The following EVI5 variants were observed in gnomAD, a reference collection of about 807,000 sequenced individuals.
EVI5 encodes the protein ecotropic viral integration site 5.
In EVI5, 73 loss-of-function variants were observed where a neutral mutation model predicts 112.0. The ratio of observed to expected loss-of-function variants is 0.65; its 90% confidence interval spans 0.54 to 0.79. The LOEUF (loss-of-function observed/expected upper bound fraction) is 0.79. EVI5 is among the 30% of genes least tolerant of loss of function. The pLI is 0.00. For missense variants in EVI5, 900 were observed against 968.8 expected (o/e 0.93, Z 0.94); for synonymous variants, 305 against 319.9 (o/e 0.95, Z 0.50).
At chr1:92,646,001 CA>C (rs1382183135) in intron 13 of EVI5, among the ~76,000 whole-genome samples, 3 of 152,222 alleles carry the variant, frequency 2.0e-5, no homozygotes, top group African/African-American at 7.2e-5. Context: ...GCTCCCCCTG[CA>C]AACCAGATCA....
At chr1:92,527,223 T>C (rs1662029383) in intron 19 of EVI5, among the ~76,000 whole-genome samples, 2 of 152,068 alleles carry the variant, frequency 1.3e-5, no homozygotes, top group South Asian at 4.2e-4. Context: ...AAGACCAGCC[T>C]GGCCAAAGTG....
intron 19 of EVI5, among the ~76,000 whole-genome samples, chr1:92,533,585 C>A (rs1302785456): frequency 1.3e-5 from 2 of 152,088 alleles, no homozygotes; most frequent in Non-Finnish European, 2.9e-5. Context: ...TTATCCACCA[C>A]GATCAAGTCA....
intron 2 of EVI5, among the ~76,000 whole-genome samples, chr1:92,734,503 C>T (rs1226645050): frequency 6.6e-6 from 1 of 151,874 alleles, no homozygotes; most frequent in Non-Finnish European, 1.5e-5. Flanking sequence ...CGGAGTCTCA[C>T]TCTGTCGCCC....
intron 16 of EVI5, among the ~76,000 whole-genome samples, chr1:92,618,597 T>A (rs1360053679): frequency 1.3e-5 from 2 of 152,098 alleles, no homozygotes; most frequent in African/African-American, 4.8e-5. Flanking sequence ...AACATCCCAA[T>A]CCAGGCAGGA....
intron 9 of EVI5, among the ~76,000 whole-genome samples, chr1:92,690,479 AC>A (rs1669313590): frequency 6.6e-6 from 1 of 151,866 alleles, no homozygotes; most frequent in African/African-American, 2.4e-5. Flanking sequence ...AGTAGCTGGA[AC>A]TAAAGGTGTA....
At chr1:92,628,514 G>C (rs1340990848) in intron 14 of EVI5, among the ~76,000 whole-genome samples, 1 of 152,198 alleles carries the variant, frequency 6.6e-6, no homozygotes, top group African/African-American at 2.4e-5. Context: ...TATAACGTGA[G>C]AGAAGAGGAT....
chr1:92,719,781 T>C (rs116064916), intron 2 of EVI5, among the ~76,000 whole-genome samples: 3,965 of 152,140 alleles, frequency 0.026, 192 homozygotes, highest in African/African-American at 0.082. Flanking sequence ...ATGACGTGAT[T>C]GTATATTTGT....
chr1:92,598,577 A>G (rs1165289418), intron 18 of EVI5, among the ~76,000 whole-genome samples: 1 of 152,174 alleles, frequency 6.6e-6, no homozygotes, highest in Non-Finnish European at 1.5e-5. Flanking sequence ...ATGGTAACTC[A>G]GAATTGTCAA....
At chr1:92,667,344 T>G (rs1255369096) in intron 10 of EVI5, among the ~76,000 whole-genome samples, 3 of 152,124 alleles carry the variant, frequency 2.0e-5, no homozygotes, top group Non-Finnish European at 4.4e-5. Context: ...TTATACAGTA[T>G]AGATGACAAG....
In EVI5 at chr1:92,703,446, A is replaced by C. The variant is rs1460590663; in HGVS notation, c.513T>G (p.Phe171Leu). Residue 171 changes from phenylalanine (F) to leucine (L), a missense_variant, in exon 4 of 20, where the codon TTT becomes TTG. Phe to Leu is a conservative substitution (Grantham distance 22, BLOSUM62 0). Coordinates refer to ENST00000684568, the MANE Select transcript of EVI5 (RefSeq NM_001350197.2). ...DIARTYPEHN[F>L]FKEKDSLGQE... ...GTCCAAGGCTATCTTTTTCCTTAAA[A>C]AAGTTGTGTTCAGGGTAAGTTCTAG... is the stretch of plus-strand genomic sequence containing the variant. 2.5e-6 allele frequency: 4 copies of C among 1,588,594 alleles called. No individual in the cohort carries two copies. The highest frequency in any genetic ancestry group is 3.4e-6 in the Non-Finnish European group (4 of 1,173,330).
intron 19 of EVI5, among the ~76,000 whole-genome samples, chr1:92,533,400 C>T (rs529742650): frequency 1.8e-4 from 27 of 152,144 alleles, no homozygotes; most frequent in Admixed American, 7.9e-4. Flanking sequence ...CTATTCCAAA[C>T]GATAGAAAAA....
chr1:92,706,508 G>A (rs1671993683), intron 2 of EVI5, among the ~76,000 whole-genome samples: 1 of 152,190 alleles, frequency 6.6e-6, no homozygotes, highest in Non-Finnish European at 1.5e-5. Flanking sequence ...GAGATATGCA[G>A]TTCAAAGAAA....
chr1:92,727,806 G>A (rs968562979), intron 2 of EVI5, among the ~76,000 whole-genome samples: 64 of 151,656 alleles, frequency 4.2e-4, no homozygotes, highest in Admixed American at 1.8e-3. Context: ...GCTTGAATCC[G>A]GGAGTTCAAG....
At chr1:92,589,616 A>G (rs994264817) in intron 18 of EVI5, among the ~76,000 whole-genome samples, 10 of 152,202 alleles carry the variant, frequency 6.6e-5, no homozygotes, top group Admixed American at 1.3e-4. Flanking sequence ...AACACAGCCG[A>G]GAAGCTCCAA....
chr1:92,542,025 A>G (rs548685160), intron 19 of EVI5, among the ~76,000 whole-genome samples: 187 of 152,320 alleles, frequency 1.2e-3, no homozygotes, highest in African/African-American at 4.4e-3. Context: ...TCTTAAAGTA[A>G]GACAACAATA....
chr1:92,757,714 C>A (rs1158355582), intron 1 of EVI5, among the ~76,000 whole-genome samples: 3 of 151,530 alleles, frequency 2.0e-5, no homozygotes, highest in Non-Finnish European at 4.4e-5. Context: ...CCAGCCTGGC[C>A]AACATGACAA....
intron 2 of EVI5, among the ~76,000 whole-genome samples, chr1:92,722,952 C>A (rs913548313): frequency 2.0e-5 from 3 of 152,164 alleles, no homozygotes; most frequent in African/African-American, 7.2e-5. Context: ...AAAGGGCTTC[C>A]TAAGAAATGA....
intron 18 of EVI5, among the ~76,000 whole-genome samples, chr1:92,601,104 T>C (rs1426915914): frequency 6.6e-6 from 1 of 151,856 alleles, no homozygotes; most frequent in Non-Finnish European, 1.5e-5. Context: ...ACTGAAAAAA[T>C]AGCAACAAAT....
intron 2 of EVI5, among the ~76,000 whole-genome samples, chr1:92,722,021 C>T (rs1674831518): frequency 7.1e-6 from 1 of 141,796 alleles, no homozygotes; most frequent in Admixed American, 7.5e-5. Flanking sequence ...TTTGTCAGTC[C>T]TGCCCCAACT....
Sources: gnomAD v4.1 joint callset for allele counts (sites outside exome capture counted in the v4.1 genomes callset) on GRCh38, gnomAD v4.1.1 for gene constraint, MANE v1.5 for transcripts, NCBI Gene and HGNC (gene_info 2026-07-23, HGNC 2026-07-21) for gene names.